Variants in B4GALNT3 observed in about 807,000 individuals in gnomAD.
B4GALNT3 encodes the protein beta-1,4-N-acetyl-galactosaminyltransferase 3.
A neutral mutation model predicts 120.2 loss-of-function variants in B4GALNT3; 86 were observed. The observed-to-expected ratio is 0.72, with a 90% CI of 0.60 to 0.86. B4GALNT3 has a LOEUF of 0.86. Ranked by LOEUF, B4GALNT3 falls within the 40% of genes least tolerant of loss-of-function variation. The probability of loss-of-function intolerance (pLI) is 0.00; values close to 1 mark genes in which losing one functional copy is unlikely to be tolerated. For missense variants in B4GALNT3, 1,167 were observed against 1,298.9 expected (o/e 0.90, Z 1.56); for synonymous variants, 518 against 510.4 (o/e 1.01, Z -0.20).
intron 12 of B4GALNT3, 132 bp from the exon 13 acceptor site, chr12:552,335 A>C (rs887541055): frequency 6.3e-5 from 51 of 806,716 alleles, no homozygotes; most frequent in East Asian, 4.0e-4. Flanking sequence ...ACACACACAC[A>C]CCCGCTCACC....
Position 512,165 on chromosome 12 carries a change from A to G in B4GALNT3, c.170-23001A>G, listed in dbSNP as rs1171506108. 1.6e-3 allele frequency among the ~76,000 whole-genome samples: 80 copies of G among 50,096 alleles called. 7 individuals are homozygous for G. The highest frequency in any genetic ancestry group is 6.8e-3 in the Admixed American group (26 of 3,828). The allele number at this position is 50,096 out of a possible 152,430, so 32.9% of individuals were successfully genotyped here. A position where few individuals can be genotyped will look rare whatever the true frequency, so the allele number is the denominator to read the frequency against. On this transcript the variant is annotated intron_variant, in intron 1 of 19. Coordinates refer to ENST00000266383, the MANE Select transcript of B4GALNT3 (RefSeq NM_173593.4). ...TTCCACCTTCCGCCTTCCGCCTTCC[A>G]CCTTCCGCCTTCCGCCTTCCACCTT...
rs111475087 is a variant in B4GALNT3, at chr12:552,596, T to A, written c.1270+68T>A. On this transcript the variant is annotated intron_variant, in intron 13 of 19. Transcript: ENST00000266383. ...GCGACCATGGTCTGTTTCCAGGGGA[T>A]GTTCAGACCGTGCCAGCCCCGCCCC... 6,830 of 1,504,776 alleles carry A rather than the reference T, an allele frequency of 4.5e-3. 178 individuals are homozygous for A. The African/African-American group carries it at 0.066, about 15-fold the overall frequency. The allele number at this position is 1,504,776 out of a possible 1,614,324, so 93.2% of individuals were successfully genotyped here.
At chr12:554,662 C>T (rs1333672085) in intron 14 of B4GALNT3, among the ~76,000 whole-genome samples, 3 of 149,960 alleles carry the variant, frequency 2.0e-5, no homozygotes, top group African/African-American at 4.9e-5. Context: ...TAGTGGCGGG[C>T]GCCTGTAGTC....
At chr12:496,058 TCCTTCAGAGTTGCAGAGAAC>T (rs1225395290) in intron 1 of B4GALNT3, among the ~76,000 whole-genome samples, 1 of 152,174 alleles carries the variant, frequency 6.6e-6, no homozygotes, top group African/African-American at 2.4e-5. Flanking sequence ...ATTTGTTAGC[TCCTTCAGAGTTGCAGAGAAC>T]CCTAAATATG....
Position 561,361 on chromosome 12 carries a change from G to A in B4GALNT3, c.2907G>A (p.Leu969=), listed in dbSNP as rs376573454. 1.9e-5 allele frequency: 31 copies of A among 1,613,758 alleles called. No individual in the cohort carries two copies. The African/African-American group carries it at 2.7e-4, about 14-fold the overall frequency. ...CCTCCAGGATACTCCAAGCGGGCCT[G>A]GACGTGGAGCGTCTCTCCCTCAGGA... The part of the protein sequence containing the change: ...ELLDRILQAG[L]DVERLSLRNF... The change falls in exon 20 of 20, where the codon CTG becomes CTA. Residue 969 remains leucine, a synonymous_variant. Transcript: ENST00000266383.
chr12:552,279 T>A (rs1347694180), intron 12 of B4GALNT3, 116 bp downstream of exon 12: 1 of 928,322 alleles, frequency 1.1e-6, no homozygotes, highest in Non-Finnish European at 1.7e-6. Context: ...TTGCTCTTGC[T>A]CTTCCTGAGT....
At chr12:473,090 T>G (rs1162078691) in intron 1 of B4GALNT3, among the ~76,000 whole-genome samples, 1 of 151,992 alleles carries the variant, frequency 6.6e-6, no homozygotes, top group East Asian at 1.9e-4. Context: ...TGCCTTGGCC[T>G]CCCTAGTAGC....
chr12:559,761 C>T (rs1477723826), intron 19 of B4GALNT3, among the ~76,000 whole-genome samples: 2 of 152,122 alleles, frequency 1.3e-5, no homozygotes, highest in Non-Finnish European at 2.9e-5. Flanking sequence ...TCCTCCCCAG[C>T]CCGAGGGTAG....
intron 1 of B4GALNT3, among the ~76,000 whole-genome samples, chr12:463,314 T>C (rs986952247): frequency 6.6e-6 from 1 of 152,166 alleles, no homozygotes; most frequent in Admixed American, 6.5e-5. Context: ...AACCCAGTAG[T>C]TTAAGATGTG....
intron 1 of B4GALNT3, among the ~76,000 whole-genome samples, chr12:522,533 G>GT (rs1275211766): frequency 5.9e-5 from 9 of 152,238 alleles, no homozygotes; most frequent in Non-Finnish European, 1.2e-4. Context: ...GGCAGTTCGT[G>GT]TTTAATGGGT....
chr12:524,624 C>G (rs933428520), intron 1 of B4GALNT3, among the ~76,000 whole-genome samples: 2 of 143,948 alleles, frequency 1.4e-5, no homozygotes, highest in African/African-American at 5.3e-5. Flanking sequence ...GTGTGAGATA[C>G]TTGTTAAGAC....
At chr12:481,276 G>A (rs1946239577) in intron 1 of B4GALNT3, among the ~76,000 whole-genome samples, 1 of 152,194 alleles carries the variant, frequency 6.6e-6, no homozygotes, top group South Asian at 2.1e-4. Context: ...CTGTGTAATG[G>A]GAATAATGGC....
rs139974206 is a variant in B4GALNT3 at position 509,277 on chromosome 12, T to G, written c.170-25889T>G. Among the ~76,000 whole-genome samples, 312 of 152,368 alleles carry G rather than the reference T, an allele frequency of 2.0e-3. 4 individuals carry two copies. Among genetic ancestry groups the G allele is most frequent in the African/African-American group, 7.2e-3 (298 of 41,584 alleles). ...GCTTGTTAACAGCTGACAAGTGCTC[T>G]GCAAAATGCAGCTGTTTAATCATAA... On this transcript the variant is annotated intron_variant, in intron 1 of 19. Transcript: ENST00000266383.
intron 3 of B4GALNT3, among the ~76,000 whole-genome samples, chr12:541,331 A>G (rs1450861959): frequency 6.6e-6 from 1 of 152,208 alleles, no homozygotes; most frequent in Non-Finnish European, 1.5e-5. Flanking sequence ...TCCAACAGAT[A>G]TCTTCTCCAG....
At position 553,561 on chromosome 12, in the gene B4GALNT3, G is replaced by A. The variant is rs140645438; in HGVS notation, c.1638G>A (p.Gly546=). 4 of 1,613,886 alleles carry A rather than the reference G, an allele frequency of 2.5e-6. No individual in the cohort carries two copies. The highest frequency in any genetic ancestry group is 2.2e-5 in the East Asian group (1 of 44,870). Residue 546 remains glycine (G), a synonymous_variant, in exon 14 of 20, where the codon GGG becomes GGA. Coordinates refer to ENST00000266383, the MANE Select transcript of B4GALNT3 (RefSeq NM_173593.4). ...TGAAGAACCTGCCTCAGATGAGGGG[G>A]CCCAGGCCCAGGCCCGCTGGTGACA... The part of the protein sequence containing the change: ...HPVKNLPQMR[G]PRPRPAGDSP...
At chr12:544,288 G>T in intron 3 of B4GALNT3, 51 bp from the exon 4 acceptor site, 1 of 1,557,252 alleles carries the variant, frequency 6.4e-7, no homozygotes, top group Non-Finnish European at 8.8e-7. Context: ...AGGATCTGGG[G>T]CGGGCATGGG....
chr12:466,339 G>C (rs1946080793), intron 1 of B4GALNT3, among the ~76,000 whole-genome samples: 9 of 152,122 alleles, frequency 5.9e-5, no homozygotes, highest in Admixed American at 5.9e-4. Context: ...GCTTTGGAAG[G>C]GGTCCTAGAG....
rs150530589 is a variant in B4GALNT3 at position 549,776 on chromosome 12, G to C, written c.861G>C (p.Thr287=). The change falls in exon 10 of 20, where the codon ACG becomes ACC. Residue 287 remains threonine (T), a synonymous_variant. Coordinates refer to ENST00000266383, the MANE Select transcript of B4GALNT3 (RefSeq NM_173593.4). The part of the protein sequence containing the change: ...SLSLSLFTNE[T]FLQMDEVGHI... ...TTTCCTCCCTGCGCCCAGATGAGAC[G>C]TTCCTACAGATGGATGAGGTGGGCC... 2 of 1,613,770 alleles carry C rather than the reference G, an allele frequency of 1.2e-6. No homozygotes were observed. The highest frequency in any genetic ancestry group is 1.7e-5 in the Admixed American group (1 of 60,028).
In B4GALNT3 at chr12:557,636, A is replaced by G. The variant is rs768662898; in HGVS notation, c.2409A>G (p.Gln803=). Residue 803 remains glutamine, a synonymous_variant, in exon 16 of 20, where the codon CAA becomes CAG. Coordinates refer to ENST00000266383, the MANE Select transcript of B4GALNT3 (RefSeq NM_173593.4). ...AGAACCAGGCACGCTGGGTACAGCA[A>G]TTCATCAAAGACATGGAAAACCTGT... ...PVKNQARWVQ[Q]FIKDMENLFQ... is the part of the protein sequence containing the mutation. 10 of 1,611,480 alleles carry G rather than the reference A, an allele frequency of 6.2e-6. No homozygotes were observed. The highest frequency in any genetic ancestry group is 5.9e-6 in the Non-Finnish European group (7 of 1,179,228).
Sources: allele counts gnomAD v4.1 joint callset (sites outside exome capture counted in the v4.1 genomes callset), GRCh38; gene constraint gnomAD v4.1.1; transcripts MANE v1.5; gene names NCBI Gene and HGNC (gene_info 2026-07-23, HGNC 2026-07-21).